Variants in CAMTA1 observed in about 807,000 individuals in gnomAD.
The protein encoded by CAMTA1 is calmodulin-binding transcription activator 1.
CAMTA1 carries 27 observed loss-of-function variants against 170.9 expected under a neutral mutation model. The observed-to-expected ratio is 0.16, with a 90% CI of 0.12 to 0.22. The LOEUF (loss-of-function observed/expected upper bound fraction) is 0.22, where lower values mean the gene tolerates loss of function less well. Ranked by LOEUF, CAMTA1 falls within the 10% of genes least tolerant of loss-of-function variation. CAMTA1 has a pLI of 1.00. For synonymous variants in CAMTA1, 833 were observed against 891.5 expected (o/e 0.93, Z 1.17); for missense variants, 1,619 against 2,217.2 (o/e 0.73, Z 5.42).
intron 3 of CAMTA1, among the ~76,000 whole-genome samples, chr1:6,905,782 G>C (rs964613358): frequency 6.6e-6 from 1 of 152,164 alleles, no homozygotes; most frequent in Non-Finnish European, 1.5e-5. Context: ...TTGGGTTAGT[G>C]CCTGCATCTC....
intron 5 of CAMTA1, among the ~76,000 whole-genome samples, chr1:7,402,705 A>G (rs2089995601): frequency 6.6e-6 from 1 of 152,188 alleles, no homozygotes; most frequent in Non-Finnish European, 1.5e-5. Context: ...GAGTAAAGTG[A>G]GCAGGGGCTT....
intron 11 of CAMTA1, among the ~76,000 whole-genome samples, chr1:7,704,952 C>T (rs1481007600): frequency 2.0e-5 from 1 of 50,828 alleles, no homozygotes; most frequent in Non-Finnish European, 3.7e-5. Flanking sequence ...GGGCGGCGGC[C>T]GGCGGGGGCG....
chr1:7,111,898 A>C (rs560970648), intron 4 of CAMTA1, among the ~76,000 whole-genome samples: 5 of 147,318 alleles, frequency 3.4e-5, no homozygotes, highest in Admixed American at 6.8e-5. Flanking sequence ...AAAAAAAAAA[A>C]AAAAAAAAAA....
rs1385053355 is a variant in CAMTA1, at chr1:7,065,633, A to C, written c.235-25671A>C. Among the ~76,000 whole-genome samples, 5 of 123,362 alleles carry C rather than the reference A, an allele frequency of 4.1e-5. No homozygotes were observed. The highest frequency in any genetic ancestry group is 8.4e-5 in the Non-Finnish European group (5 of 59,574). The allele number at this position is 123,362 out of a possible 152,430, so 80.9% of individuals were successfully genotyped here. A position where few individuals can be genotyped will look rare whatever the true frequency, so the allele number is the denominator to read the frequency against. On this transcript the variant is annotated intron_variant, in intron 3 of 22. Coordinates refer to ENST00000303635, the MANE Select transcript of CAMTA1 (RefSeq NM_015215.4). The surrounding 1 kb of genome is among the most constrained non-coding windows in gnomAD (Gnocchi z 5.2). ...GCTTATTTCATGGCCATAGGAGGGA[A>C]GAGAGAGGAGACAGCTGCACCTTGT... is the stretch of plus-strand genomic sequence containing the variant.
At chr1:7,755,467 A>G (rs570106588) in intron 21 of CAMTA1, among the ~76,000 whole-genome samples, 171 bp from the exon 22 acceptor site, 6 of 151,860 alleles carry the variant, frequency 4.0e-5, no homozygotes, top group African/African-American at 1.4e-4. Context: ...ACTTAAATTG[A>G]TGAATTTTTT....
At chr1:7,613,956 TGAGGA>T (rs2095541735) in intron 6 of CAMTA1, among the ~76,000 whole-genome samples, 1 of 37,152 alleles carries the variant, frequency 2.7e-5, no homozygotes, top group African/African-American at 1.1e-4. Flanking sequence ...CCTGGAGGGG[TGAGGA>T]GAGGAGAGCA....
intron 3 of CAMTA1, among the ~76,000 whole-genome samples, chr1:6,993,612 T>C (rs1437143916): frequency 2.0e-5 from 3 of 152,254 alleles, no homozygotes; most frequent in African/African-American, 7.2e-5. Context: ...CATTTTTCAC[T>C]ATGAAATGTC....
rs1207220747 is a variant in CAMTA1, at chr1:7,685,665, C to T, written c.2914+7932C>T. Among the ~76,000 whole-genome samples the T allele has an allele frequency of 2.0e-5, 3 of 152,196 alleles. No individual in the cohort carries two copies. The highest frequency in any genetic ancestry group is 2.1e-4 in the South Asian group (1 of 4,832). On this transcript the variant is annotated intron_variant, in intron 11 of 22. Coordinates refer to ENST00000303635, the MANE Select transcript of CAMTA1 (RefSeq NM_015215.4). This position sits in a 1 kb window ranked among gnomAD's most constrained non-coding sequence, Gnocchi z 5.7. ...CTGACTACTCTCTTCTCCCTGCCCA[C>T]GCTCCCTGAGGGCTTCTTCCCAGCC...
At chr1:7,262,299 C>T (rs903855311) in intron 5 of CAMTA1, among the ~76,000 whole-genome samples, 1 of 151,994 alleles carries the variant, frequency 6.6e-6, no homozygotes, top group Non-Finnish European at 1.5e-5. Flanking sequence ...CGGTGGCTCA[C>T]GTCTGTAATC....
At chr1:7,178,871 A>C (rs1651502250) in intron 4 of CAMTA1, among the ~76,000 whole-genome samples, 2 of 152,238 alleles carry the variant, frequency 1.3e-5, no homozygotes, top group South Asian at 4.1e-4. Flanking sequence ...TGTTCTGTTA[A>C]TCTTTTCAAA....
intron 4 of CAMTA1, among the ~76,000 whole-genome samples, chr1:7,130,341 T>C (rs913590562): frequency 4.6e-5 from 7 of 152,222 alleles, no homozygotes; most frequent in Non-Finnish European, 8.8e-5. Context: ...TTCCGTTTTA[T>C]AGATATGCCA....
intron 5 of CAMTA1, among the ~76,000 whole-genome samples, chr1:7,360,599 C>T (rs2085467338): frequency 6.6e-6 from 1 of 152,206 alleles, no homozygotes; most frequent in South Asian, 2.1e-4. Flanking sequence ...TCGGTGTGCC[C>T]ACATTGTGCC....
chr1:6,786,924 T>C (rs1639568444), intron 1 of CAMTA1, among the ~76,000 whole-genome samples: 1 of 152,200 alleles, frequency 6.6e-6, no homozygotes, highest in Non-Finnish European at 1.5e-5. Context: ...CTCTTGTGTC[T>C]CAGGAGGGGG....
intron 3 of CAMTA1, among the ~76,000 whole-genome samples, chr1:6,847,520 A>G (rs1658674608): frequency 6.6e-6 from 1 of 151,502 alleles, no homozygotes; most frequent in Admixed American, 6.6e-5. Context: ...AAGGCTATGT[A>G]TGCCACGTTG....
At chr1:7,049,570 ACT>A (rs1290666278) in intron 3 of CAMTA1, among the ~76,000 whole-genome samples, 1 of 151,766 alleles carries the variant, frequency 6.6e-6, no homozygotes, top group Non-Finnish European at 1.5e-5. Context: ...GATTCTTCTG[ACT>A]CAGCCTCCTG....
intron 22 of CAMTA1, among the ~76,000 whole-genome samples, chr1:7,762,358 G>A (rs976740500): frequency 6.6e-6 from 1 of 152,062 alleles, no homozygotes; most frequent in Admixed American, 6.6e-5. Flanking sequence ...TAATAACAAG[G>A]TGATCATAAA....
intron 5 of CAMTA1, among the ~76,000 whole-genome samples, chr1:7,303,389 CT>C (rs1298541543): frequency 2.6e-5 from 4 of 152,150 alleles, no homozygotes; most frequent in Non-Finnish European, 4.4e-5. Flanking sequence ...AAAGTCCCCC[CT>C]AAATCCAATG....
intron 5 of CAMTA1, among the ~76,000 whole-genome samples, chr1:7,323,586 G>A (rs577114288): frequency 1.5e-5 from 2 of 136,748 alleles, no homozygotes; most frequent in Non-Finnish European, 3.0e-5. Flanking sequence ...GTAGTGGCAC[G>A]ATCTCCGCTC....
chr1:7,210,756 A>G (rs1658605557), intron 4 of CAMTA1, among the ~76,000 whole-genome samples: 1 of 152,120 alleles, frequency 6.6e-6, no homozygotes, highest in Non-Finnish European at 1.5e-5. Flanking sequence ...TTATTTATTT[A>G]CTCATTGATT....
Sources: allele counts gnomAD v4.1 joint callset (sites outside exome capture counted in the v4.1 genomes callset), GRCh38; gene constraint gnomAD v4.1.1; non-coding constraint Gnocchi (gnomAD v3.1); transcripts MANE v1.5; gene names NCBI Gene and HGNC (gene_info 2026-07-23, HGNC 2026-07-21).